The following PCDHGA7 variants were observed in gnomAD, a reference collection of about 807,000 sequenced individuals.
PCDHGA7 encodes protocadherin gamma-A7.
A neutral mutation model predicts 58.3 loss-of-function variants in PCDHGA7; 44 were observed. That is an observed-to-expected ratio of 0.75 (90% CI 0.59 to 0.97). The LOEUF is 0.97. PCDHGA7 is among the 50% of genes least tolerant of loss of function. The pLI, the probability that PCDHGA7 is intolerant of heterozygous loss-of-function variation, is 0.00. For missense variants in PCDHGA7, 1,266 were observed against 1,188.7 expected, an observed-to-expected ratio of 1.06 and a Z score of -0.96; for synonymous variants, 516 against 504.2, an observed-to-expected ratio of 1.02 and a Z score of -0.31.
Position 141,437,485 on chromosome 5 carries a change from C to T in PCDHGA7, c.2424+52162C>T, listed in dbSNP as rs372023505. The stretch of plus-strand genomic sequence containing the variant: ...TATACTTTTATAGCATATTTAATCT[C>T]GTAGATCACTTTTCAATGAATTATA... On this transcript the variant is annotated intron_variant, in intron 1 of 3. Transcript: ENST00000518325. Among the ~76,000 whole-genome samples, 16 of 152,188 alleles carry T rather than the reference C, an allele frequency of 1.1e-4. No individual in the cohort carries two copies. In the East Asian group the frequency reaches 2.9e-3, roughly 28 times the overall value.
At chr5:141,509,872 G>A (rs968745661) in intron 3 of PCDHGA7, among the ~76,000 whole-genome samples, 1 of 152,166 alleles carries the variant, frequency 6.6e-6, no homozygotes, top group Non-Finnish European at 1.5e-5. Context: ...CCAAGCTGCT[G>A]GTGGTGATGG....
chr5:141,392,187 AT>A (rs1221931532), intron 1 of PCDHGA7: 1 of 152,234 alleles, frequency 6.6e-6, no homozygotes, highest in Non-Finnish European at 1.5e-5. Context: ...CAGTAGGTCT[AT>A]TTTAGTCTCA....
At chr5:141,484,750 GTA>G (rs545232987) in intron 1 of PCDHGA7, among the ~76,000 whole-genome samples, 18 of 149,824 alleles carry the variant, frequency 1.2e-4, no homozygotes, top group Admixed American at 4.7e-4. Flanking sequence ...GAAAAAAAAT[GTA>G]TATATATATA....
intron 1 of PCDHGA7, chr5:141,417,493 G>A (rs1463793261): frequency 4.7e-6 from 1 of 214,978 alleles, no homozygotes; most frequent in East Asian, 1.1e-4. Context: ...GAATCACTGA[G>A]GAAAAAGATT....
intron 1 of PCDHGA7, among the ~76,000 whole-genome samples, chr5:141,461,804 C>A (rs559757409): frequency 1.4e-3 from 212 of 152,036 alleles, no homozygotes; most frequent in African/African-American, 5.0e-3. Context: ...CAGGTGCCCA[C>A]CACCACACCC....
In PCDHGA7 at chr5:141,384,882, C is replaced by A; in HGVS notation, c.1983C>A (p.Thr661=). The change falls in exon 1 of 4, where the codon ACC becomes ACA. Residue 661 remains threonine, a synonymous_variant. Transcript: ENST00000518325. The stretch of plus-strand genomic sequence containing the variant: ...CTCTGTCAGCCACCGTCACACTCAC[C>A]GTGGCTGTGGCTGACAGCATCCCCG... ...QPPLSATVTL[T]VAVADSIPEV... is the part of the protein sequence containing the mutation. 1 of 1,613,872 alleles carries A rather than the reference C, an allele frequency of 6.2e-7. No individual in the cohort carries two copies. Among genetic ancestry groups the A allele is most frequent in the South Asian group, 1.1e-5 (1 of 91,082 alleles).
At chr5:141,506,092 G>A (rs1595997534) in intron 3 of PCDHGA7, among the ~76,000 whole-genome samples, 1 of 152,142 alleles carries the variant, frequency 6.6e-6, no homozygotes, top group Admixed American at 6.6e-5. Flanking sequence ...TTCGGCTAGT[G>A]GTGGTTGTCC....
chr5:141,468,749 C>G (rs1237051053), intron 1 of PCDHGA7, among the ~76,000 whole-genome samples: 1 of 151,962 alleles, frequency 6.6e-6, no homozygotes, highest in Non-Finnish European at 1.5e-5. Context: ...GCCTGTAGTC[C>G]CAGCTACTCG....
At chr5:141,470,795 C>T (rs947636574) in intron 1 of PCDHGA7, among the ~76,000 whole-genome samples, 2 of 152,182 alleles carry the variant, frequency 1.3e-5, no homozygotes, top group Non-Finnish European at 2.9e-5. Context: ...TCAAGCAATC[C>T]TCCCACTTCA....
chr5:141,494,782 C>T, intron 1 of PCDHGA7, 25 bp from the exon 2 acceptor site: 1 of 1,614,110 alleles, frequency 6.2e-7, no homozygotes. Context: ...GGTACTCAGC[C>T]CCTTTCCCTC....
chr5:141,405,164 T>C, intron 1 of PCDHGA7: 1 of 1,614,076 alleles, frequency 6.2e-7, no homozygotes, highest in East Asian at 2.2e-5. Flanking sequence ...TGTGCCCACC[T>C]CACACTTTGT....
intron 1 of PCDHGA7, among the ~76,000 whole-genome samples, chr5:141,472,980 C>CAAAAAAAAAAAAAAAAA (rs60579131): frequency 5.8e-5 from 5 of 86,060 alleles, no homozygotes; most frequent in African/African-American, 3.9e-5. Context: ...GAGTGAAACT[C>CAAAAAAAAAAAAAAAAA]AAAAAAAAAA....
At chr5:141,397,277 C>A (rs920366365) in intron 1 of PCDHGA7, among the ~76,000 whole-genome samples, 1 of 151,970 alleles carries the variant, frequency 6.6e-6, no homozygotes. Flanking sequence ...ATCATATGGG[C>A]AGTATACTTG....
Position 141,392,866 on chromosome 5 carries a change from C to T in PCDHGA7, c.2424+7543C>T, listed in dbSNP as rs1000509941. The stretch of plus-strand genomic sequence containing the variant: ...CGCGGCGAGCTGATCCTGCTGTGCG[C>T]GCTGCTGGGAACGCTGTGGGAAATC... On this transcript the variant is annotated intron_variant, in intron 1 of 3. Transcript: ENST00000518325. 7 of 1,612,962 alleles carry T rather than the reference C, an allele frequency of 4.3e-6. No individual in the cohort carries two copies. The highest frequency in any genetic ancestry group is 3.3e-4 in the Middle Eastern group (2 of 6,060).
chr5:141,503,372 G>A (rs1275544964), intron 2 of PCDHGA7, among the ~76,000 whole-genome samples: 1 of 151,968 alleles, frequency 6.6e-6, no homozygotes, highest in Non-Finnish European at 1.5e-5. Context: ...GGAGGCAGGT[G>A]GATCATGAGG....
intron 1 of PCDHGA7, chr5:141,405,414 T>C (rs758249146): frequency 1.1e-4 from 169 of 1,562,196 alleles, no homozygotes; most frequent in Non-Finnish European, 1.5e-4. Context: ...TTTCTTTTTT[T>C]GTTTTTTGTT....
rs776349562 is a variant in PCDHGA7 at position 141,491,131 on chromosome 5, G to T, written c.2425-3676G>T. The T allele has an allele frequency of 6.2e-7, 1 of 1,614,182 alleles. No individual in the cohort carries two copies. Among genetic ancestry groups the T allele is most frequent in the Non-Finnish European group, 8.5e-7 (1 of 1,180,008 alleles). On this transcript the variant is annotated intron_variant, in intron 1 of 3. Coordinates refer to ENST00000518325, the MANE Select transcript of PCDHGA7 (RefSeq NM_018920.4). This position sits in a 1 kb window ranked among gnomAD's most constrained non-coding sequence, Gnocchi z 6.9. ...TACACACACTGGTGAGGTGCGCACA[G>T]CCCGGGCCTTACTGGAGGATGACTC...
In PCDHGA7 at chr5:141,491,177, T is replaced by G; in HGVS notation, c.2425-3630T>G. The G allele has an allele frequency of 6.2e-7, 1 of 1,614,158 alleles. No homozygotes were observed. Among genetic ancestry groups the G allele is most frequent in the Non-Finnish European group, 8.5e-7 (1 of 1,180,010 alleles). Reference sequence around the variant, plus strand: ...GACTCTGACACCCAGCAGGTGGTGGTCCTGGTGAGGGACAATGGTGACCCT... The same window carrying G: ...GACTCTGACACCCAGCAGGTGGTGGGCCTGGTGAGGGACAATGGTGACCCT... On this transcript the variant is annotated intron_variant, in intron 1 of 3. Transcript: ENST00000518325. This position sits in a 1 kb window ranked among gnomAD's most constrained non-coding sequence, Gnocchi z 6.9.
chr5:141,418,018 T>C, intron 1 of PCDHGA7: 1 of 1,613,868 alleles, frequency 6.2e-7, no homozygotes, highest in Non-Finnish European at 8.5e-7. Flanking sequence ...TCGCTAAGGA[T>C]CTAGGGCTTA....
Sources: allele counts gnomAD v4.1 joint callset (sites outside exome capture counted in the v4.1 genomes callset), GRCh38; gene constraint gnomAD v4.1.1; non-coding constraint Gnocchi (gnomAD v3.1); transcripts MANE v1.5; gene names NCBI Gene and HGNC (gene_info 2026-07-23, HGNC 2026-07-21).